The following CNTN4 variants were observed in gnomAD, a reference collection of about 807,000 sequenced individuals.
CNTN4 encodes the protein contactin 4, also known as contactin-4.
Under a neutral mutation model 122.5 loss-of-function variants are expected in CNTN4, and 77 were observed. The ratio of observed to expected loss-of-function variants is 0.63; its 90% CI spans 0.52 to 0.76. The LOEUF is 0.76. CNTN4 is among the 30% of genes least tolerant of loss of function. CNTN4 has a pLI of 0.00. For missense variants in CNTN4, 1,256 were observed against 1,259.1 expected (o/e 1.00, Z 0.04); for synonymous variants, 512 against 447.0 (o/e 1.15, Z -1.83).
chr3:2,422,217 TC>T (rs560120397), intron 3 of CNTN4, among the ~76,000 whole-genome samples: 91 of 152,324 alleles, frequency 6.0e-4, no homozygotes, highest in Non-Finnish European at 1.2e-3. Context: ...ATTTGTGTTA[TC>T]CCCTGCTCCT....
intron 3 of CNTN4, among the ~76,000 whole-genome samples, chr3:2,525,114 A>C (rs1021513488): frequency 6.6e-6 from 1 of 152,098 alleles, no homozygotes; most frequent in Non-Finnish European, 1.5e-5. Flanking sequence ...GAGAACACCT[A>C]TTAGAGGGGA....
intron 3 of CNTN4, among the ~76,000 whole-genome samples, chr3:2,355,992 G>T (rs1053349132): frequency 3.3e-5 from 5 of 152,144 alleles, no homozygotes; most frequent in African/African-American, 9.7e-5. Context: ...CCCCTCAGTT[G>T]TTGCCTGGGT....
chr3:2,738,529 C>T (rs563024019), intron 5 of CNTN4, among the ~76,000 whole-genome samples: 1 of 152,034 alleles, frequency 6.6e-6, no homozygotes, highest in East Asian at 1.9e-4. Flanking sequence ...AGCTGAGCTA[C>T]AAGAATAAAT....
At chr3:2,833,364 A>G (rs556098433) in intron 7 of CNTN4, among the ~76,000 whole-genome samples, 130 of 152,384 alleles carry the variant, frequency 8.5e-4, no homozygotes, top group Non-Finnish European at 2.1e-4. Flanking sequence ...TAACTAGGTA[A>G]GTTTTTATAA....
At chr3:2,433,461 C>T (rs2048149984) in intron 3 of CNTN4, among the ~76,000 whole-genome samples, 1 of 150,148 alleles carries the variant, frequency 6.7e-6, no homozygotes, top group African/African-American at 2.4e-5. Flanking sequence ...TTAGGTGGCT[C>T]ATTTTTTTAT....
intron 2 of CNTN4, among the ~76,000 whole-genome samples, chr3:2,157,268 CTT>C (rs2035762485): frequency 6.6e-6 from 1 of 152,112 alleles, no homozygotes; most frequent in African/African-American, 2.4e-5. Context: ...TGAGTGATGG[CTT>C]CTTAGAGGAG....
intron 4 of CNTN4, among the ~76,000 whole-genome samples, chr3:2,601,553 C>A (rs964133357): frequency 6.6e-6 from 1 of 152,020 alleles, no homozygotes; most frequent in African/African-American, 2.4e-5. Flanking sequence ...CTGTTCTGTT[C>A]CATTGGTCTA....
chr3:2,628,485 G>A (rs753917055), intron 4 of CNTN4, among the ~76,000 whole-genome samples: 4 of 152,198 alleles, frequency 2.6e-5, no homozygotes, highest in Admixed American at 1.3e-4. Flanking sequence ...TTCTACTCTC[G>A]ATAGAATGCA....
intron 6 of CNTN4, among the ~76,000 whole-genome samples, chr3:2,782,465 C>CTGTGTG (rs137927481): frequency 0.032 from 4,323 of 133,218 alleles, 84 homozygotes; most frequent in Middle Eastern, 0.043. Context: ...CCTTCTTATT[C>CTGTGTG]TGTGTGTGTG....
At chr3:2,748,510 A>G (rs1210962235) in intron 6 of CNTN4, among the ~76,000 whole-genome samples, 1 of 152,302 alleles carries the variant, frequency 6.6e-6, no homozygotes, top group South Asian at 2.1e-4. Context: ...TTGATATAAC[A>G]TGTTGACCAG....
chr3:2,148,243 A>G (rs950192677), intron 2 of CNTN4, among the ~76,000 whole-genome samples: 4 of 152,160 alleles, frequency 2.6e-5, no homozygotes, highest in African/African-American at 9.7e-5. Flanking sequence ...TTATTCAGAA[A>G]AACAGCAAGG....
intron 10 of CNTN4, among the ~76,000 whole-genome samples, chr3:2,891,598 G>A (rs1402935622): frequency 6.6e-6 from 1 of 152,166 alleles, no homozygotes; most frequent in Non-Finnish European, 1.5e-5. Context: ...GCTTTCAAGG[G>A]GAAGTGCATT....
chr3:2,230,054 G>C (rs1219143615), intron 2 of CNTN4, among the ~76,000 whole-genome samples: 1 of 152,180 alleles, frequency 6.6e-6, no homozygotes, highest in South Asian at 2.1e-4. Flanking sequence ...TCATTATTAA[G>C]CTTTATTAGA....
intron 14 of CNTN4, among the ~76,000 whole-genome samples, chr3:2,998,136 AC>A (rs1328283255): frequency 6.6e-6 from 1 of 152,164 alleles, no homozygotes; most frequent in East Asian, 1.9e-4. Flanking sequence ...GGCTTTGTCC[AC>A]AGCATGGGTA....
chr3:2,871,034 C>G (rs909902238), intron 8 of CNTN4, among the ~76,000 whole-genome samples: 1 of 152,142 alleles, frequency 6.6e-6, no homozygotes, highest in South Asian at 2.1e-4. Flanking sequence ...ACATGGCTCA[C>G]TCCTTCCTAC....
At chr3:2,782,736 C>G (rs2091654901) in intron 6 of CNTN4, among the ~76,000 whole-genome samples, 1 of 152,142 alleles carries the variant, frequency 6.6e-6, no homozygotes, top group South Asian at 2.1e-4. Context: ...GGCTTTCAGG[C>G]TAAGCTACTG....
chr3:2,436,742 T>G (rs1186551343), intron 3 of CNTN4, among the ~76,000 whole-genome samples: 1 of 151,150 alleles, frequency 6.6e-6, no homozygotes, highest in Non-Finnish European at 1.5e-5. Flanking sequence ...ATCTTTTATT[T>G]TAAGCAACTT....
At chr3:2,111,091 C>T (rs2032917285) in intron 2 of CNTN4, among the ~76,000 whole-genome samples, 1 of 152,108 alleles carries the variant, frequency 6.6e-6, no homozygotes, top group Non-Finnish European at 1.5e-5. Context: ...TTACTAGTTA[C>T]TAGAGTCTAA....
At chr3:2,970,848 C>T (rs935258951) in intron 13 of CNTN4, among the ~76,000 whole-genome samples, 3 of 152,102 alleles carry the variant, frequency 2.0e-5, no homozygotes, top group Non-Finnish European at 2.9e-5. Flanking sequence ...AGTGCAGTGG[C>T]GTGATCCCAG....
Sources: allele counts gnomAD v4.1 joint callset (sites outside exome capture counted in the v4.1 genomes callset), GRCh38; gene constraint gnomAD v4.1.1; transcripts MANE v1.5; gene names NCBI Gene and HGNC (gene_info 2026-07-23, HGNC 2026-07-21).